Variants in CNTNAP5 observed in about 807,000 individuals in gnomAD.
CNTNAP5 encodes contactin-associated protein-like 5.
CNTNAP5 carries 72 observed loss-of-function variants against 150.2 expected under a neutral mutation model. The ratio of observed to expected loss-of-function variants is 0.48; its 90% CI spans 0.40 to 0.58. The LOEUF is 0.58. Among genes scored for constraint, CNTNAP5 ranks in the 20% least tolerant of loss-of-function variants. The pLI is 0.00. For missense variants in CNTNAP5, 1,636 were observed against 1,626.2 expected (o/e 1.01, Z -0.10); for synonymous variants, 672 against 619.8 (o/e 1.08, Z -1.25).
chr2:124,764,224 A>G, intron 16 of CNTNAP5, 77 bp downstream of exon 16: 4 of 1,131,030 alleles, frequency 3.5e-6, no homozygotes, highest in Non-Finnish European at 4.0e-6. Context: ...ACCAGTCACT[A>G]GTGGGCATTT....
chr2:124,588,214 T>TTCTTTC (rs1696597780), intron 11 of CNTNAP5, among the ~76,000 whole-genome samples: 1 of 148,552 alleles, frequency 6.7e-6, no homozygotes, highest in South Asian at 2.1e-4. Context: ...CTTTCTTTCT[T>TTCTTTC]TCTTTCTTTC....
intron 1 of CNTNAP5, among the ~76,000 whole-genome samples, chr2:124,182,943 C>A (rs902194221): frequency 6.6e-6 from 1 of 152,152 alleles, no homozygotes; most frequent in Non-Finnish European, 1.5e-5. Context: ...TACCAAGGAG[C>A]CTCTGCTTAT....
At chr2:124,408,341 A>G (rs1409112534) in intron 3 of CNTNAP5, among the ~76,000 whole-genome samples, 5 of 152,212 alleles carry the variant, frequency 3.3e-5, no homozygotes, top group Non-Finnish European at 5.9e-5. Context: ...TTGCTTAGGT[A>G]AACAAAGCAG....
chr2:124,224,162 C>T (rs1321429569), intron 2 of CNTNAP5, among the ~76,000 whole-genome samples: 1 of 152,036 alleles, frequency 6.6e-6, no homozygotes, highest in Admixed American at 6.6e-5. Context: ...ACAAAAGCTT[C>T]CAGGTCATTC....
In CNTNAP5 at chr2:124,920,389, G is replaced by A. The variant is rs1321646048; in HGVS notation, c.*6101G>A. On this transcript the variant is annotated 3_prime_UTR_variant, in exon 24 of 24. Transcript: ENST00000682447. ...AGCCTGGGCATACTTTCCCATCAGA[G>A]TCAGCCTCTATCACAAACATTTTAC... Among the ~76,000 whole-genome samples the A allele has an allele frequency of 1.3e-5, 2 of 152,136 alleles. No individual in the cohort carries two copies. Among genetic ancestry groups the A allele is most frequent in the Non-Finnish European group, 2.9e-5 (2 of 68,008 alleles).
At chr2:124,464,295 T>C (rs1293163902) in intron 6 of CNTNAP5, among the ~76,000 whole-genome samples, 3 of 152,086 alleles carry the variant, frequency 2.0e-5, no homozygotes, top group Admixed American at 6.6e-5. Context: ...TCTTACTCAA[T>C]GCTGGGCTGT....
intron 6 of CNTNAP5, among the ~76,000 whole-genome samples, chr2:124,472,068 T>C (rs1039496889): frequency 9.9e-5 from 15 of 152,042 alleles, no homozygotes; most frequent in African/African-American, 3.6e-4. Context: ...AAATTTAGAC[T>C]TGATCTAAAT....
At position 124,477,127 on chromosome 2, in the gene CNTNAP5, T is replaced by A. The variant is rs575612073; in HGVS notation, c.1062+2245T>A. On this transcript the variant is annotated intron_variant, in intron 7 of 23. Transcript: ENST00000682447. ...AGCAGAATAAATAGGGAAAACTATG[T>A]TACTTCATATTCCTGGAATTGGAAA... Among the ~76,000 whole-genome samples, 26 of 152,274 alleles carry A rather than the reference T, an allele frequency of 1.7e-4. No homozygotes were observed. The South Asian group carries it at 5.4e-3, about 32-fold the overall frequency.
At chr2:124,513,436 A>G (rs1048827866) in intron 8 of CNTNAP5, among the ~76,000 whole-genome samples, 3 of 152,328 alleles carry the variant, frequency 2.0e-5, no homozygotes, top group Non-Finnish European at 4.4e-5. Context: ...CATGCAATGT[A>G]TATTAATATG....
chr2:124,394,108 G>A (rs1358943736), intron 3 of CNTNAP5, among the ~76,000 whole-genome samples: 3 of 151,930 alleles, frequency 2.0e-5, no homozygotes, highest in Admixed American at 1.3e-4. Context: ...ACGGTGGCTC[G>A]CAGTTGTAAT....
chr2:124,693,828 AAAAAAAAAAGGC>A (rs1458439903), intron 13 of CNTNAP5, among the ~76,000 whole-genome samples: 1 of 116,718 alleles, frequency 8.6e-6, no homozygotes, highest in Non-Finnish European at 2.1e-5. Context: ...AAAAGAAAGC[AAAAAAAAAAGGC>A]AAAAAAAAAA....
At chr2:124,645,098 G>A (rs902631126) in intron 12 of CNTNAP5, among the ~76,000 whole-genome samples, 1 of 152,088 alleles carries the variant, frequency 6.6e-6, no homozygotes, top group African/African-American at 2.4e-5. Flanking sequence ...CCTCTACAAT[G>A]TTTCATTATT....
At chr2:124,423,127 T>C (rs1389709538) in intron 4 of CNTNAP5, among the ~76,000 whole-genome samples, 10 of 152,208 alleles carry the variant, frequency 6.6e-5, no homozygotes, top group Non-Finnish European at 5.9e-5. Flanking sequence ...CACCTACTAG[T>C]TGGGTAATCT....
chr2:124,597,429 T>C (rs1696854054), intron 11 of CNTNAP5, among the ~76,000 whole-genome samples: 1 of 148,868 alleles, frequency 6.7e-6, no homozygotes, highest in African/African-American at 2.5e-5. Flanking sequence ...TATGAAATTC[T>C]GGGTTGAAAA....
At chr2:124,382,639 G>A (rs551960652) in intron 3 of CNTNAP5, among the ~76,000 whole-genome samples, 88 of 152,210 alleles carry the variant, frequency 5.8e-4, no homozygotes, top group African/African-American at 2.0e-3. Context: ...AATTTATTCT[G>A]TAAAATTGGG....
intron 11 of CNTNAP5, among the ~76,000 whole-genome samples, chr2:124,582,553 C>T (rs1201561806): frequency 2.6e-5 from 4 of 152,202 alleles, no homozygotes; most frequent in Non-Finnish European, 4.4e-5. Flanking sequence ...AGCTGGGACA[C>T]ATCCCTGCAA....
chr2:124,493,834 G>A (rs1282539600), intron 7 of CNTNAP5, among the ~76,000 whole-genome samples: 2 of 151,920 alleles, frequency 1.3e-5, no homozygotes, highest in Non-Finnish European at 2.9e-5. Flanking sequence ...CATATTTTCA[G>A]AGCTAAGAAT....
At chr2:124,567,874 TAGATAGATATAG>T (rs1213509336) in intron 11 of CNTNAP5, among the ~76,000 whole-genome samples, 1,788 of 149,458 alleles carry the variant, frequency 0.012, 31 homozygotes, top group African/African-American at 0.041. Flanking sequence ...GATAGATAGA[TAGATAGATATAG>T]ATAGATAGAT....
chr2:124,704,874 T>C (rs7569715), intron 13 of CNTNAP5, among the ~76,000 whole-genome samples: 54,407 of 151,850 alleles, frequency 0.36, 10,032 homozygotes, highest in Non-Finnish European at 0.42. Flanking sequence ...CCTTTCCCTG[T>C]ATTCAACTGC....
Sources: allele counts gnomAD v4.1 joint callset (sites outside exome capture counted in the v4.1 genomes callset), GRCh38; gene constraint gnomAD v4.1.1; transcripts MANE v1.5; gene names NCBI Gene and HGNC (gene_info 2026-07-23, HGNC 2026-07-21).